Variants in AIDA observed in about 807,000 individuals in gnomAD.
The protein encoded by AIDA is axin interactor, dorsalization-associated protein.
Under a neutral mutation model 42.7 loss-of-function variants are expected in AIDA, and 18 were observed. The ratio of observed to expected loss-of-function variants is 0.42; its 90% CI spans 0.29 to 0.63. AIDA has a LOEUF of 0.63. Among genes scored for constraint, AIDA ranks in the 20% least tolerant of loss-of-function variants. AIDA has a pLI of 0.19. For missense variants in AIDA, 250 were observed against 354.1 expected, an observed-to-expected ratio of 0.71 and a Z score of 2.36; for synonymous variants, 104 against 122.9, an observed-to-expected ratio of 0.85 and a Z score of 1.02.
At chr1:222,708,259 C>T (rs889123159) in intron 1 of AIDA, among the ~76,000 whole-genome samples, 44 of 149,882 alleles carry the variant, frequency 2.9e-4, no homozygotes, top group African/African-American at 1.0e-3. Flanking sequence ...TGCAGTGAGC[C>T]GAAATCGCAC....
chr1:222,706,016 A>G (rs1227478666), intron 1 of AIDA, among the ~76,000 whole-genome samples: 1 of 152,234 alleles, frequency 6.6e-6, no homozygotes, highest in Non-Finnish European at 1.5e-5. Flanking sequence ...TAAAATGCGT[A>G]AAAGATTTGA....
Position 222,673,396 on chromosome 1 carries a change from G to T in AIDA, c.623C>A (p.Pro208His). Residue 208 changes from proline (P) to histidine (H), a missense_variant, in exon 8 of 10, where the codon CCT becomes CAT. Around this residue, in one of 4 missense-constraint regions of AIDA, gnomAD observed 199 missense variants for 232.6 expected, o/e 0.86. Coordinates refer to ENST00000340020, the MANE Select transcript of AIDA (RefSeq NM_022831.4). ...GIDLTPVQDT[P>H]VASRKEDTYV... ...TGTATCTTCTTTTCTTGAAGCCACA[G>T]GAGTATCTTGCACAGGAGTTAAGTC... 2 of 1,608,968 alleles carry T rather than the reference G, an allele frequency of 1.2e-6. No homozygotes were observed.
intron 8 of AIDA, among the ~76,000 whole-genome samples, chr1:222,671,909 G>A (rs890623016): frequency 2.0e-5 from 3 of 152,152 alleles, no homozygotes; most frequent in Admixed American, 6.5e-5. Context: ...ATAAAGTCAC[G>A]TTTCAAAACA....
At chr1:222,698,473 C>T (rs368977046) in intron 2 of AIDA, among the ~76,000 whole-genome samples, 15 of 126,928 alleles carry the variant, frequency 1.2e-4, no homozygotes, top group African/African-American at 4.0e-4. Context: ...TTTTTTGAGA[C>T]GCAGTTTCAC....
chr1:222,697,719 A>C (rs1655561717), intron 2 of AIDA, among the ~76,000 whole-genome samples: 1 of 152,216 alleles, frequency 6.6e-6, no homozygotes, highest in Non-Finnish European at 1.5e-5. Context: ...AAACGTATTC[A>C]ATCTATATAA....
chr1:222,697,644 A>G (rs1655559714), intron 2 of AIDA, among the ~76,000 whole-genome samples: 2 of 152,144 alleles, frequency 1.3e-5, no homozygotes, highest in African/African-American at 4.8e-5. Context: ...TGACAGCTCA[A>G]AAGATCAGTT....
chr1:222,688,860 C>A (rs1365588480), intron 4 of AIDA, among the ~76,000 whole-genome samples: 3 of 151,926 alleles, frequency 2.0e-5, no homozygotes. Context: ...AGCCTCCCCC[C>A]AGAAAAAGTT....
At chr1:222,674,525 C>T (rs1396193088) in intron 7 of AIDA, among the ~76,000 whole-genome samples, 1 of 152,126 alleles carries the variant, frequency 6.6e-6, no homozygotes, top group Non-Finnish European at 1.5e-5. Flanking sequence ...TTATCAGAAT[C>T]CCCCTGCTGT....
rs1370493549 is a variant in AIDA, at chr1:222,712,283, C to T, written c.35G>A (p.Trp12Ter). The change falls in exon 1 of 10, where the codon TGG (tryptophan) becomes TAG (stop). Residue 12 changes from tryptophan to a stop codon, truncating the protein, a stop_gained. Transcript: ENST00000340020. LOFTEE classifies it high-confidence loss of function. ...GGCGCCTCTCCTAAAACTGGCGCCC[C>T]AGCGCTGCAGCAGACTCCGGGTCAC... is the stretch of plus-strand genomic sequence containing the variant. ...SEVTRSLLQR[W>*]GASFRRGADF... The T allele has an allele frequency of 6.3e-7, 1 of 1,579,334 alleles. No homozygotes were observed. Among genetic ancestry groups the T allele is most frequent in the Non-Finnish European group, 8.6e-7 (1 of 1,162,632 alleles).
chr1:222,688,517 T>C (rs945457376), intron 4 of AIDA, among the ~76,000 whole-genome samples: 1 of 152,172 alleles, frequency 6.6e-6, no homozygotes, highest in Non-Finnish European at 1.5e-5. Flanking sequence ...TTTTATAGTA[T>C]ATTGTTTACA....
intron 6 of AIDA, among the ~76,000 whole-genome samples, chr1:222,685,978 G>A (rs1209700034): frequency 2.0e-5 from 3 of 152,158 alleles, no homozygotes; most frequent in African/African-American, 7.2e-5. Flanking sequence ...TGGCCAACAT[G>A]GCGAAACCCT....
At chr1:222,693,660 C>CA (rs1167371622) in intron 4 of AIDA, 129 bp downstream of exon 4, 4 of 707,952 alleles carry the variant, frequency 5.7e-6, no homozygotes, top group African/African-American at 1.8e-5. Context: ...CAAAAGCACC[C>CA]AAAAAATCAC....
At chr1:222,673,549 G>C in intron 7 of AIDA, 114 bp from the exon 8 acceptor site, 1 of 695,948 alleles carries the variant, frequency 1.4e-6, no homozygotes, top group Non-Finnish European at 2.1e-6. Flanking sequence ...GGCCGAGGCG[G>C]GCAGATGACA....
chr1:222,670,302 G>A, intron 8 of AIDA, 52 bp from the exon 9 acceptor site: 2 of 1,441,910 alleles, frequency 1.4e-6, no homozygotes, highest in Non-Finnish European at 9.6e-7. Flanking sequence ...TTTCTTGTGT[G>A]TCAATTAATT....
At chr1:222,699,292 AATG>A (rs1177537658) in intron 2 of AIDA, among the ~76,000 whole-genome samples, 1 of 152,236 alleles carries the variant, frequency 6.6e-6, no homozygotes, top group African/African-American at 2.4e-5. Flanking sequence ...TGCTTAGCAT[AATG>A]TAAAGAACAT....
intron 2 of AIDA, among the ~76,000 whole-genome samples, chr1:222,696,309 G>A (rs977962077): frequency 6.6e-6 from 1 of 152,076 alleles, no homozygotes; most frequent in Non-Finnish European, 1.5e-5. Context: ...ATTCAAACAC[G>A]CCACTCAATT....
rs964317950 is a variant in AIDA, at chr1:222,698,168, A to G, written c.181-3905T>C. On this transcript the variant is annotated intron_variant, in intron 2 of 9. Transcript: ENST00000340020. ...TGAACTAATCATAAAAGAAGACCAA[A>G]TAAGTATCATGAACTTTATTTTACA... Among the ~76,000 whole-genome samples, 11 of 152,328 alleles carry G rather than the reference A, an allele frequency of 7.2e-5. 1 individual carries two copies. In the East Asian group the frequency reaches 2.1e-3, roughly 29 times the overall value.
chr1:222,687,692 C>A, intron 4 of AIDA, 34 bp from the exon 5 acceptor site: 2 of 1,394,152 alleles, frequency 1.4e-6, no homozygotes, highest in South Asian at 2.7e-5. Context: ...ATGAATTCTT[C>A]CATGAAGCAA....
chr1:222,709,981 C>T (rs567262092), intron 1 of AIDA, among the ~76,000 whole-genome samples: 7 of 152,230 alleles, frequency 4.6e-5, no homozygotes, highest in Non-Finnish European at 7.4e-5. Flanking sequence ...TGTTGTATGG[C>T]GATAAGATTG....
Sources: gnomAD v4.1 joint callset for allele counts (sites outside exome capture counted in the v4.1 genomes callset) on GRCh38, gnomAD v4.1.1 for gene constraint, gnomAD v4.1.1 regional missense constraint, MANE v1.5 for transcripts, NCBI Gene and HGNC (gene_info 2026-07-23, HGNC 2026-07-21) for gene names.